The following RAPGEF1 variants were observed in gnomAD, a reference collection of about 807,000 sequenced individuals.
The protein encoded by RAPGEF1 is Rap guanine nucleotide exchange factor 1, also known as CRK SH3-binding GNRP.
Under a neutral mutation model 143.3 loss-of-function variants are expected in RAPGEF1, and 33 were observed. The ratio of observed to expected loss-of-function variants is 0.23; its 90% CI spans 0.17 to 0.31. The LOEUF (loss-of-function observed/expected upper bound fraction) is 0.31. Among genes scored for constraint, RAPGEF1 ranks in the 10% least tolerant of loss-of-function variants. RAPGEF1 has a pLI of 1.00. For synonymous variants in RAPGEF1, 629 were observed against 676.5 expected (o/e 0.93, Z 1.09); for missense variants, 1,199 against 1,645.4 (o/e 0.73, Z 4.69).
chr9:131,607,243 G>A (rs1358727034), intron 12 of RAPGEF1, among the ~76,000 whole-genome samples: 2 of 152,200 alleles, frequency 1.3e-5, no homozygotes, highest in Non-Finnish European at 2.9e-5. Flanking sequence ...TCAGGTACCT[G>A]TACAAGTGAA....
intron 1 of RAPGEF1, among the ~76,000 whole-genome samples, chr9:131,686,764 C>T (rs1833382108): frequency 6.6e-6 from 1 of 152,148 alleles, no homozygotes. Flanking sequence ...TGCTCAGTGC[C>T]CAGCACAGTG....
rs751206559 is a variant in RAPGEF1 at position 131,582,715 on chromosome 9, GA to G, written c.3415-14del. ...ACTCGGCCAGGCCCTGGCAGGACAG[GA>G]CAGGACAGGACCGGACAGGGGTGAG... On this transcript the variant is annotated splice_polypyrimidine_tract_variant and intron_variant, in intron 24 of 26. Transcript: ENST00000683357. 1.4e-5 allele frequency: 22 copies of G among 1,557,146 alleles called. 1 individual carries two copies. In the African/African-American group the frequency reaches 3.0e-4, roughly 21 times the overall value.
intron 5 of RAPGEF1, among the ~76,000 whole-genome samples, chr9:131,632,133 CT>C (rs751438145): frequency 0.039 from 5,602 of 144,262 alleles, 210 homozygotes; most frequent in East Asian, 0.09. Context: ...GAGACTCTCT[CT>C]TTTTTTTTTT....
intron 1 of RAPGEF1, among the ~76,000 whole-genome samples, chr9:131,657,259 A>T (rs1421921489): frequency 6.6e-6 from 1 of 152,222 alleles, no homozygotes; most frequent in African/African-American, 2.4e-5. Flanking sequence ...ACAGACAGAC[A>T]GACAGATGCA....
intron 1 of RAPGEF1, among the ~76,000 whole-genome samples, chr9:131,669,415 G>GGCTGC (rs1188662583): frequency 1.3e-5 from 2 of 152,128 alleles, no homozygotes; most frequent in Non-Finnish European, 2.9e-5. Flanking sequence ...TAGGGAAGCA[G>GGCTGC]GCTGCACTGC....
chr9:131,629,334 C>G lies in RAPGEF1; in HGVS notation c.741-80G>C, dbSNP rs186595501. 8 of 1,408,214 alleles carry G rather than the reference C, an allele frequency of 5.7e-6. No individual in the cohort carries two copies. In the African/African-American group the frequency reaches 8.5e-5, roughly 15 times the overall value. 87.2% of individuals were successfully genotyped at this position (1,408,214 alleles called of 1,614,324 possible). The stretch of plus-strand genomic sequence containing the variant: ...CACACAGGCCCTGAGAGGGTGAGGA[C>G]GTGACCAGGAAGAACACAGTGGGTG... On this transcript the variant is annotated intron_variant, in intron 6 of 26. Transcript: ENST00000683357.
rs1255220661 is a variant in RAPGEF1 at position 131,703,075 on chromosome 9, TGCGGG to T, written c.61+36690_61+36694del. 2.6e-5 allele frequency among the ~76,000 whole-genome samples: 4 copies of T among 152,306 alleles called. 1 individual carries two copies. Among genetic ancestry groups the T allele is most frequent in the African/African-American group, 9.6e-5 (4 of 41,574 alleles). ...GGGTCTCAGTTCACCCAGGCTGAAG[TGCGGG>T]GAGGATCACCTGAGCCCAGGAGGCA... is the stretch of plus-strand genomic sequence containing the variant. On this transcript the variant is annotated intron_variant, in intron 1 of 26. Transcript: ENST00000683357.
intron 1 of RAPGEF1, among the ~76,000 whole-genome samples, chr9:131,709,129 A>G (rs1289412786): frequency 6.6e-6 from 1 of 152,104 alleles, no homozygotes; most frequent in Non-Finnish European, 1.5e-5. Flanking sequence ...CAGGTGGGTC[A>G]TGAGGTCAGG....
intron 12 of RAPGEF1, among the ~76,000 whole-genome samples, chr9:131,615,211 T>C (rs1357333585): frequency 9.2e-5 from 14 of 152,350 alleles, no homozygotes; most frequent in Middle Eastern, 3.4e-3. Context: ...TAGCTGGGAC[T>C]ACAGGCGCCC....
intron 1 of RAPGEF1, among the ~76,000 whole-genome samples, chr9:131,668,983 C>T (rs898678189): frequency 1.3e-5 from 2 of 152,242 alleles, no homozygotes; most frequent in Non-Finnish European, 2.9e-5. Context: ...CATGCCATCT[C>T]AGCACTCCAA....
In RAPGEF1 at chr9:131,621,931, T is replaced by C. The variant is rs752566598; in HGVS notation, c.1770A>G (p.Pro590=). The change falls in exon 11 of 27, where the codon CCA becomes CCG. Residue 590 remains proline (P), a synonymous_variant. Transcript: ENST00000683357. The surrounding 1 kb of genome is among the most constrained non-coding windows in gnomAD (Gnocchi z 4.5). ...EPQPSMFYQT[P]QNEHIYQQKN... The stretch of plus-strand genomic sequence containing the variant: ...TCTGCTGGTAGATGTGCTCGTTCTG[T>C]GGCGTCTGGTAGAACATAGAGGGCT... 1.9e-6 allele frequency: 3 copies of C among 1,613,840 alleles called. No individual in the cohort carries two copies. The highest frequency in any genetic ancestry group is 8.5e-7 in the Non-Finnish European group (1 of 1,179,856).
At chr9:131,597,776 G>A (rs1006813488) in intron 16 of RAPGEF1, among the ~76,000 whole-genome samples, 11 of 152,070 alleles carry the variant, frequency 7.2e-5, no homozygotes, top group Non-Finnish European at 1.5e-4. Flanking sequence ...GGTCTTGAAC[G>A]CCTGGACTCA....
At chr9:131,645,117 G>T (rs1169123311) in intron 3 of RAPGEF1, among the ~76,000 whole-genome samples, 2 of 152,156 alleles carry the variant, frequency 1.3e-5, no homozygotes, top group Admixed American at 1.3e-4. Context: ...CCAAGAGGCT[G>T]GGCGCTTACT....
Position 131,586,255 on chromosome 9 carries a change from CAA to C in RAPGEF1, c.3233+1479_3233+1480del, listed in dbSNP as rs1491480626. Among the ~76,000 whole-genome samples the C allele has an allele frequency of 4.0e-3, 341 of 84,326 alleles. 4 individuals are homozygous for C. Among genetic ancestry groups the C allele is most frequent in the African/African-American group, 0.014 (314 of 22,086 alleles). 55.3% of individuals were successfully genotyped at this position (84,326 alleles called of 152,430 possible). The stretch of plus-strand genomic sequence containing the variant: ...ACACCTGCAGAGCAAGACTCTGTCT[CAA>C]ACACACACACACACACACACACACA... On this transcript the variant is annotated intron_variant, in intron 22 of 26. Transcript: ENST00000683357.
At chr9:131,721,499 T>C (rs986279657) in intron 1 of RAPGEF1, among the ~76,000 whole-genome samples, 1 of 152,178 alleles carries the variant, frequency 6.6e-6, no homozygotes, top group African/African-American at 2.4e-5. Flanking sequence ...TTGGACCCAG[T>C]CACAGCAAGC....
chr9:131,619,345 G>T, intron 11 of RAPGEF1, 139 bp from the exon 12 acceptor site: 2 of 727,268 alleles, frequency 2.8e-6, no homozygotes, highest in Non-Finnish European at 4.0e-6. Flanking sequence ...TGGCTTCTGG[G>T]CCCAGTTCAG....
intron 1 of RAPGEF1, among the ~76,000 whole-genome samples, chr9:131,660,522 C>T (rs762603925): frequency 4.0e-5 from 6 of 151,726 alleles, no homozygotes; most frequent in Non-Finnish European, 5.9e-5. Context: ...CTCTGCTGGA[C>T]GGCAACCACA....
intron 1 of RAPGEF1, among the ~76,000 whole-genome samples, chr9:131,702,310 T>C (rs897761612): frequency 3.3e-5 from 5 of 152,238 alleles, no homozygotes; most frequent in African/African-American, 1.2e-4. Context: ...CAAAAAGTTG[T>C]GATGGTAATT....
At chr9:131,610,851 T>A (rs532244911) in intron 12 of RAPGEF1, among the ~76,000 whole-genome samples, 1 of 152,192 alleles carries the variant, frequency 6.6e-6, no homozygotes, top group Non-Finnish European at 1.5e-5. Context: ...CTTATCTGAT[T>A]TGATTCTTAT....
Sources: allele counts gnomAD v4.1 joint callset (sites outside exome capture counted in the v4.1 genomes callset), GRCh38; gene constraint gnomAD v4.1.1; non-coding constraint Gnocchi (gnomAD v3.1); transcripts MANE v1.5; gene names NCBI Gene and HGNC (gene_info 2026-07-23, HGNC 2026-07-21).